EMCN: variants seen among roughly 807,000 people sequenced by gnomAD.
EMCN encodes the protein MUC-14.
Under a neutral mutation model 38.4 loss-of-function variants are expected in EMCN, and 37 were observed. The observed-to-expected ratio is 0.96, with a 90% CI of 0.74 to 1.27. EMCN has a LOEUF of 1.27. Ranked by LOEUF, EMCN falls within the 50% of genes most tolerant of loss-of-function variation. The pLI, the probability that EMCN is intolerant of heterozygous loss-of-function variation, is 0.00. For synonymous variants in EMCN, 95 were observed against 100.8 expected (o/e 0.94, Z 0.35); for missense variants, 318 against 302.8 (o/e 1.05, Z -0.37).
At position 100,515,972 on chromosome 4, in the gene EMCN, CCTCT is replaced by C. The variant is rs564559190; in HGVS notation, c.64+1875_64+1878del. ...CAATTTATACTCTTGAGCATAGCCT[CCTCT>C]CTAAGACAAATGGAGTAGGTTTGGT... On this transcript the variant is annotated intron_variant, in intron 1 of 11. Transcript: ENST00000296420. Among the ~76,000 whole-genome samples the C allele has an allele frequency of 1.3e-4, 20 of 149,864 alleles. No individual in the cohort carries two copies. The South Asian group carries it at 4.0e-3, about 30-fold the overall frequency.
chr4:100,464,932 T>G (rs1728274180), intron 4 of EMCN, among the ~76,000 whole-genome samples: 2 of 152,028 alleles, frequency 1.3e-5, no homozygotes, highest in Non-Finnish European at 2.9e-5. Context: ...TCTAAAAGAG[T>G]TTGGGAAGAG....
At chr4:100,510,824 G>C (rs1729607831) in intron 1 of EMCN, among the ~76,000 whole-genome samples, 1 of 152,120 alleles carries the variant, frequency 6.6e-6, no homozygotes, top group Non-Finnish European at 1.5e-5. Flanking sequence ...TTCACTGATA[G>C]CTATTTCCTC....
At chr4:100,501,403 T>C (rs1729347010) in intron 1 of EMCN, among the ~76,000 whole-genome samples, 1 of 152,212 alleles carries the variant, frequency 6.6e-6, no homozygotes, top group Non-Finnish European at 1.5e-5. Context: ...TCTATTCATC[T>C]ATGTGGCATC....
chr4:100,447,588 A>T lies in EMCN; in HGVS notation c.377-17T>A. 2 of 1,552,524 alleles carry T rather than the reference A, an allele frequency of 1.3e-6. No individual in the cohort carries two copies. The highest frequency in any genetic ancestry group is 1.8e-6 in the Non-Finnish European group (2 of 1,127,802). On this transcript the variant is annotated splice_polypyrimidine_tract_variant and intron_variant, in intron 4 of 11. Transcript: ENST00000296420. ...GAGTTTCAGCTTTAGAAGGAAAAAA[A>T]GAAAAAAAATCAGTACAATTAAATG...
At chr4:100,427,418 T>C (rs1727079432) in intron 5 of EMCN, among the ~76,000 whole-genome samples, 1 of 151,702 alleles carries the variant, frequency 6.6e-6, no homozygotes, top group African/African-American at 2.4e-5. Flanking sequence ...GCCACAGGTG[T>C]GCACCACCAC....
chr4:100,506,677 T>TA (rs1186765189), intron 1 of EMCN, among the ~76,000 whole-genome samples: 2 of 152,184 alleles, frequency 1.3e-5, no homozygotes, highest in Non-Finnish European at 2.9e-5. Flanking sequence ...TATATGGTCA[T>TA]AAAACACACC....
At chr4:100,481,958 C>T (rs1382326425) in intron 1 of EMCN, among the ~76,000 whole-genome samples, 1 of 151,162 alleles carries the variant, frequency 6.6e-6, no homozygotes, top group Non-Finnish European at 1.5e-5. Flanking sequence ...TCCTTTCCTT[C>T]TCTCGTTTTC....
At chr4:100,424,642 A>T (rs1205459305) in intron 5 of EMCN, among the ~76,000 whole-genome samples, 1 of 152,104 alleles carries the variant, frequency 6.6e-6, no homozygotes, top group Non-Finnish European at 1.5e-5. Flanking sequence ...GGTGGAAGCT[A>T]GATATATGCC....
Position 100,493,673 on chromosome 4 carries a change from A to G in EMCN, c.65-13634T>C, listed in dbSNP as rs1578230931. ...TAGTAGCATTTTATTTGTTTCCTCA[A>G]ATGATGAATGCAATTATTATTTTAC... On this transcript the variant is annotated intron_variant, in intron 1 of 11. Coordinates refer to ENST00000296420, the MANE Select transcript of EMCN (RefSeq NM_016242.4). Among the ~76,000 whole-genome samples, 9 of 152,366 alleles carry G rather than the reference A, an allele frequency of 5.9e-5. 1 individual carries two copies. The South Asian group carries it at 1.9e-3, about 32-fold the overall frequency.
Position 100,456,267 on chromosome 4 carries a change from A to C in EMCN, c.377-8696T>G, listed in dbSNP as rs79107015. Among the ~76,000 whole-genome samples the C allele has an allele frequency of 4.0e-5, 6 of 151,410 alleles. No homozygotes were observed. In the East Asian group the frequency reaches 1.2e-3, roughly 29 times the overall value. On this transcript the variant is annotated intron_variant, in intron 4 of 11. Transcript: ENST00000296420. ...TATTGTTATGCATTCATGTTGAAAA[A>C]CCCAAAATATTAGTTTTTGTTGATC...
chr4:100,489,365 T>C (rs970565061), intron 1 of EMCN, among the ~76,000 whole-genome samples: 1 of 152,214 alleles, frequency 6.6e-6, no homozygotes, highest in African/African-American at 2.4e-5. Context: ...CTATTTTTAA[T>C]TTTTTGAGGA....
rs139444851 is a variant in EMCN, at chr4:100,412,303, C to A, written c.752-1948G>T. The stretch of plus-strand genomic sequence containing the variant: ...TTGCAGACATGCTAAGGTGTTTGAA[C>A]TTAACCTTAAGTTATTACTTATCAG... On this transcript the variant is annotated intron_variant, in intron 10 of 11. Transcript: ENST00000296420. 2.1e-3 allele frequency among the ~76,000 whole-genome samples: 326 copies of A among 152,236 alleles called. 1 individual carries two copies. Among genetic ancestry groups the A allele is most frequent in the Non-Finnish European group, 3.6e-3 (247 of 68,016 alleles).
intron 4 of EMCN, among the ~76,000 whole-genome samples, chr4:100,448,847 C>CCTTCCTTT (rs1560619363): frequency 1.3e-5 from 2 of 150,342 alleles, no homozygotes; most frequent in East Asian, 2.0e-4. Flanking sequence ...TCCCTCCCTT[C>CCTTCCTTT]CTTGCTTTCT....
chr4:100,446,247 C>T, intron 5 of EMCN: 1 of 977,252 alleles, frequency 1.0e-6, no homozygotes, highest in Non-Finnish European at 1.2e-6. Flanking sequence ...CAATTTTTAG[C>T]CTATGAAGAT....
At chr4:100,489,786 A>G (rs1298084260) in intron 1 of EMCN, among the ~76,000 whole-genome samples, 1 of 152,154 alleles carries the variant, frequency 6.6e-6, no homozygotes, top group African/African-American at 2.4e-5. Context: ...GATACGGAAG[A>G]CCAGCTTTTC....
intron 4 of EMCN, among the ~76,000 whole-genome samples, chr4:100,448,847 C>CCTTCCTTCCTTT (rs1560619363): frequency 6.7e-6 from 1 of 150,342 alleles, no homozygotes; most frequent in East Asian, 2.0e-4. Flanking sequence ...TCCCTCCCTT[C>CCTTCCTTCCTTT]CTTGCTTTCT....
At chr4:100,446,613 G>A (rs1014655197) in intron 5 of EMCN, among the ~76,000 whole-genome samples, 1 of 151,800 alleles carries the variant, frequency 6.6e-6, no homozygotes, top group Non-Finnish European at 1.5e-5. Flanking sequence ...TTTAGTCTCA[G>A]GGATACACAT....
At chr4:100,488,845 A>G (rs1273242919) in intron 1 of EMCN, among the ~76,000 whole-genome samples, 1 of 152,190 alleles carries the variant, frequency 6.6e-6, no homozygotes, top group South Asian at 2.1e-4. Flanking sequence ...AAGACTAGTT[A>G]TAAAGGGGTA....
Position 100,447,573 on chromosome 4 carries a change from T to A in EMCN, c.377-2A>T, listed in dbSNP as rs1470466633. The A allele has an allele frequency of 1.3e-6, 2 of 1,594,498 alleles. No homozygotes were observed. The highest frequency in any genetic ancestry group is 2.2e-5 in the South Asian group (2 of 90,214). ...TTTTAATTGAACTCTGAGTTTCAGC[T>A]TTAGAAGGAAAAAAAGAAAAAAAAT... On this transcript the variant is annotated splice_acceptor_variant, in intron 4 of 11. Coordinates refer to ENST00000296420, the MANE Select transcript of EMCN (RefSeq NM_016242.4). LOFTEE classifies it high-confidence loss of function.
Sources: allele counts gnomAD v4.1 joint callset (sites outside exome capture counted in the v4.1 genomes callset), GRCh38; gene constraint gnomAD v4.1.1; transcripts MANE v1.5; gene names NCBI Gene and HGNC (gene_info 2026-07-23, HGNC 2026-07-21).